Variants in LMNTD1 observed in about 807,000 individuals in gnomAD.
LMNTD1 encodes the protein lamin tail domain containing 1, also known as lamin tail domain-containing protein 1.
In LMNTD1, 35 loss-of-function variants were observed where a neutral mutation model predicts 50.9. That is an observed-to-expected ratio of 0.69 (90% confidence interval 0.53 to 0.91). LMNTD1 has a LOEUF of 0.91. Ranked by LOEUF, LMNTD1 falls within the 40% of genes least tolerant of loss-of-function variation. LMNTD1 has a pLI of 0.00. For synonymous variants in LMNTD1, 153 were observed against 161.9 expected, an observed-to-expected ratio of 0.94 and a Z score of 0.42; for missense variants, 470 against 475.5, an observed-to-expected ratio of 0.99 and a Z score of 0.11.
chr12:25,634,309 G>T (rs1946780298), intron 1 of LMNTD1, among the ~76,000 whole-genome samples: 1 of 152,162 alleles, frequency 6.6e-6, no homozygotes, highest in African/African-American at 2.4e-5. Flanking sequence ...GGTAGAGAAA[G>T]AAAGAACCCT....
intron 1 of LMNTD1, among the ~76,000 whole-genome samples, chr12:25,616,813 G>A (rs1946362459): frequency 6.6e-6 from 1 of 152,174 alleles, no homozygotes; most frequent in Non-Finnish European, 1.5e-5. Flanking sequence ...AGAAAACAGA[G>A]TTCTGTTTCC....
intron 4 of LMNTD1, among the ~76,000 whole-genome samples, chr12:25,533,960 G>A (rs1449266564): frequency 2.0e-5 from 3 of 152,172 alleles, no homozygotes; most frequent in East Asian, 1.9e-4. Context: ...CTCTAGACTT[G>A]TAGGATGCAG....
At chr12:25,534,905 G>T (rs1190011878) in intron 4 of LMNTD1, among the ~76,000 whole-genome samples, 2 of 152,010 alleles carry the variant, frequency 1.3e-5, no homozygotes, top group South Asian at 2.1e-4. Context: ...AACTTAAGTG[G>T]GTCCCAGAAC....
At chr12:25,560,875 T>A (rs939035231) in intron 1 of LMNTD1, among the ~76,000 whole-genome samples, 1 of 152,244 alleles carries the variant, frequency 6.6e-6, no homozygotes, top group African/African-American at 2.4e-5. Flanking sequence ...TTTCTGCACA[T>A]TGATTTTGTA....
intron 8 of LMNTD1, among the ~76,000 whole-genome samples, 195 bp downstream of exon 8, chr12:25,518,596 TTATC>T (rs1337053930): frequency 3.3e-5 from 5 of 152,202 alleles, no homozygotes; most frequent in Non-Finnish European, 5.9e-5. Flanking sequence ...AGACAGATGT[TTATC>T]TAGCACAGTG....
chr12:25,502,074 C>T (rs1468406470), intron 9 of LMNTD1, among the ~76,000 whole-genome samples: 2 of 152,104 alleles, frequency 1.3e-5, no homozygotes, highest in Non-Finnish European at 2.9e-5. Context: ...GAATATGCCA[C>T]AGAGAGGATC....
chr12:25,536,954 G>C (rs1401990621), intron 4 of LMNTD1, among the ~76,000 whole-genome samples: 1 of 152,234 alleles, frequency 6.6e-6, no homozygotes, highest in African/African-American at 2.4e-5. Context: ...CCTAATCAAA[G>C]AAAGGGGTGA....
intron 1 of LMNTD1, among the ~76,000 whole-genome samples, chr12:25,641,965 T>A (rs1426510688): frequency 6.6e-6 from 1 of 152,148 alleles, no homozygotes; most frequent in Non-Finnish European, 1.5e-5. Context: ...TAAACCAAAT[T>A]TGCGAATTTC....
At chr12:25,492,472 A>G (rs1214653599) in intron 9 of LMNTD1, among the ~76,000 whole-genome samples, 2 of 152,204 alleles carry the variant, frequency 1.3e-5, no homozygotes, top group East Asian at 3.8e-4. Flanking sequence ...CGAATATTTT[A>G]TGCTTTGTTC....
At chr12:25,532,104 G>T (rs1942263541) in intron 4 of LMNTD1, among the ~76,000 whole-genome samples, 1 of 152,016 alleles carries the variant, frequency 6.6e-6, no homozygotes, top group African/African-American at 2.4e-5. Context: ...ACCTGTTCCT[G>T]GTGTCCACTT....
intron 1 of LMNTD1, among the ~76,000 whole-genome samples, chr12:25,579,415 A>C (rs1255229498): frequency 6.6e-6 from 1 of 152,098 alleles, no homozygotes; most frequent in Non-Finnish European, 1.5e-5. Flanking sequence ...ATATCACACC[A>C]TTTTATATCA....
intron 4 of LMNTD1, among the ~76,000 whole-genome samples, chr12:25,530,796 A>C (rs1200529302): frequency 6.6e-6 from 1 of 152,194 alleles, no homozygotes; most frequent in Non-Finnish European, 1.5e-5. Context: ...GATCCTGTGA[A>C]TATGTTATGT....
At chr12:25,583,107 T>C (rs1372137483) in intron 1 of LMNTD1, among the ~76,000 whole-genome samples, 1 of 151,600 alleles carries the variant, frequency 6.6e-6, no homozygotes, top group African/African-American at 2.4e-5. Context: ...CTGCAAGCTC[T>C]ACCTCCCGGG....
At chr12:25,636,797 C>A (rs1946845512) in intron 1 of LMNTD1, among the ~76,000 whole-genome samples, 1 of 152,132 alleles carries the variant, frequency 6.6e-6, no homozygotes, top group African/African-American at 2.4e-5. Context: ...TGGAATACTA[C>A]TAAGCCATAA....
In LMNTD1 at chr12:25,528,610, A is replaced by G. The variant is rs11613655; in HGVS notation, c.492-1655T>C. Among the ~76,000 whole-genome samples, 4 of 152,318 alleles carry G rather than the reference A, an allele frequency of 2.6e-5. No homozygotes were observed. The South Asian group carries it at 6.2e-4, about 24-fold the overall frequency. On this transcript the variant is annotated intron_variant, in intron 4 of 9. Coordinates refer to ENST00000458174, the MANE Select transcript of LMNTD1 (RefSeq NM_001145728.2). The stretch of plus-strand genomic sequence containing the variant: ...TCACTCTTGACAAATTATCTCACTA[A>G]GAAAACATGGCCATCAGAGAGAATA...
At chr12:25,545,215 A>G (rs1447543063) in intron 4 of LMNTD1, among the ~76,000 whole-genome samples, 1 of 151,716 alleles carries the variant, frequency 6.6e-6, no homozygotes, top group African/African-American at 2.4e-5. Context: ...TATTTGAAAG[A>G]TAGCTTGGCT....
chr12:25,542,515 G>T (rs1943156082), intron 4 of LMNTD1, among the ~76,000 whole-genome samples: 1 of 132,204 alleles, frequency 7.6e-6, no homozygotes. Context: ...GGTGGGAATT[G>T]AACAATGAGA....
At chr12:25,645,296 C>A (rs1947043906) in intron 1 of LMNTD1, among the ~76,000 whole-genome samples, 1 of 152,056 alleles carries the variant, frequency 6.6e-6, no homozygotes, top group Non-Finnish European at 1.5e-5. Flanking sequence ...AAAAGAGAAG[C>A]AAGGTTTCGA....
At chr12:25,553,610 A>T (rs1405190478), upstream of LMNTD1, among the ~76,000 whole-genome samples, 1 of 152,186 alleles carries the variant, frequency 6.6e-6, no homozygotes, top group Admixed American at 6.5e-5. Context: ...AGGCAGCAAG[A>T]ATAGAAACCA....
Sources: gnomAD v4.1 joint callset for allele counts (sites outside exome capture counted in the v4.1 genomes callset) on GRCh38, gnomAD v4.1.1 for gene constraint, MANE v1.5 for transcripts, NCBI Gene and HGNC (gene_info 2026-07-23, HGNC 2026-07-21) for gene names.